PPP6R2: variants seen among roughly 807,000 people sequenced by gnomAD.
PPP6R2 encodes serine/threonine-protein phosphatase 6 regulatory subunit 2.
PPP6R2 carries 62 observed loss-of-function variants against 100.2 expected under a neutral mutation model. The ratio of observed to expected loss-of-function variants is 0.62; its 90% CI spans 0.50 to 0.76. The LOEUF is 0.76. Among genes scored for constraint, PPP6R2 ranks in the 30% least tolerant of loss-of-function variants. The pLI is 0.00. For missense variants in PPP6R2, 1,142 were observed against 1,276.3 expected (o/e 0.89, Z 1.60); for synonymous variants, 525 against 514.7 (o/e 1.02, Z -0.27).
At chr22:50,383,214 GT>G (rs2053502016) in intron 2 of PPP6R2, among the ~76,000 whole-genome samples, 2 of 152,150 alleles carry the variant, frequency 1.3e-5, no homozygotes, top group African/African-American at 4.8e-5. Flanking sequence ...TTCATTCCAT[GT>G]GTCAAAGATC....
At chr22:50,338,813 TGTGTGTGTGTA>T (rs1403144118), upstream of PPP6R2, among the ~76,000 whole-genome samples, 7 of 120,068 alleles carry the variant, frequency 5.8e-5, no homozygotes, top group African/African-American at 2.4e-4. Context: ...GTGTCTGGTG[TGTGTGTGTGTA>T]GGGTGTGTGG....
chr22:50,357,696 C>G (rs1401548589), intron 1 of PPP6R2, among the ~76,000 whole-genome samples: 1 of 150,818 alleles, frequency 6.6e-6, no homozygotes, highest in African/African-American at 2.4e-5. Flanking sequence ...GGCATGATCT[C>G]CACTGCAACC....
intron 3 of PPP6R2, among the ~76,000 whole-genome samples, chr22:50,396,837 A>G (rs2148950212): frequency 6.6e-6 from 1 of 152,304 alleles, no homozygotes; most frequent in East Asian, 1.9e-4. Flanking sequence ...TAGCCTGAGC[A>G]GGGCCTTGCT....
intron 10 of PPP6R2, among the ~76,000 whole-genome samples, chr22:50,426,194 G>T (rs1185309417): frequency 1.3e-5 from 2 of 152,124 alleles, no homozygotes; most frequent in Non-Finnish European, 2.9e-5. Flanking sequence ...TTCAAGTGAT[G>T]CTCCGGCCGT....
chr22:50,429,846 G>C (rs562773434), intron 10 of PPP6R2, among the ~76,000 whole-genome samples: 1 of 152,336 alleles, frequency 6.6e-6, no homozygotes, highest in East Asian at 1.9e-4. Context: ...CCTCCTCCAA[G>C]GTTGCTCAAG....
chr22:50,416,211 G>A (rs2060508068), intron 6 of PPP6R2, 54 bp downstream of exon 6: 5 of 1,501,542 alleles, frequency 3.3e-6, no homozygotes, highest in Admixed American at 3.4e-5. Context: ...GTGCTGCCAG[G>A]TCACCCACTG....
At chr22:50,387,868 T>C (rs1308195872) in intron 2 of PPP6R2, among the ~76,000 whole-genome samples, 2 of 152,150 alleles carry the variant, frequency 1.3e-5, no homozygotes, top group Non-Finnish European at 2.9e-5. Context: ...CTAGAGCCTT[T>C]ATGTGGAATA....
chr22:50,330,983 C>T, the PPP6R2 span, among the ~76,000 whole-genome samples: 4 of 152,100 alleles, frequency 2.6e-5, no homozygotes, highest in African/African-American at 9.7e-5. Context: ...TTTGTGAGCT[C>T]CAGGACTGTA....
the PPP6R2 span, among the ~76,000 whole-genome samples, chr22:50,334,098 A>C: frequency 1.3e-5 from 2 of 152,270 alleles, no homozygotes; most frequent in Non-Finnish European, 2.9e-5. Context: ...AGGGCGGAAC[A>C]TGAAAGTGGA....
chr22:50,437,787 C>T, intron 16 of PPP6R2, 56 bp from the exon 17 acceptor site: 1 of 1,536,608 alleles, frequency 6.5e-7, no homozygotes, highest in African/African-American at 1.4e-5. Context: ...GCACTGAGGC[C>T]CCAGATGAGC....
the PPP6R2 span, among the ~76,000 whole-genome samples, chr22:50,331,465 G>C: frequency 1.3e-5 from 2 of 152,194 alleles, no homozygotes; most frequent in South Asian, 4.1e-4. Flanking sequence ...TAGTATTATT[G>C]TTCCAGCCGT....
intron 1 of PPP6R2, 112 bp from the exon 2 acceptor site, chr22:50,371,908 A>T (rs183456089): frequency 1.3e-5 from 2 of 152,342 alleles, no homozygotes; most frequent in Admixed American, 1.3e-4. Context: ...TTCTGTGGGG[A>T]TTAAAGGTGT....
At chr22:50,412,558 T>G (rs1684881932) in intron 4 of PPP6R2, among the ~76,000 whole-genome samples, 1 of 151,822 alleles carries the variant, frequency 6.6e-6, no homozygotes, top group South Asian at 2.1e-4. Context: ...AGCCTATTAA[T>G]TATAGATTTT....
chr22:50,372,095 A>G lies in PPP6R2; in HGVS notation c.-72A>G, dbSNP rs953242084. 6.6e-6 allele frequency: 1 copy of G among 152,198 alleles called. No homozygotes were observed. Among genetic ancestry groups the G allele is most frequent in the Admixed American group, 6.5e-5 (1 of 15,270 alleles). The allele number at this position is 152,198 out of a possible 1,614,324, so 9.4% of individuals were successfully genotyped here. A position where few individuals can be genotyped will look rare whatever the true frequency, so the allele number is the denominator to read the frequency against. The stretch of plus-strand genomic sequence containing the variant: ...GCATATACTCCAAGAAAAAAACCAC[A>G]AATGTTTTTCTGTTTTGCCTGAATA... On this transcript the variant is annotated 5_prime_UTR_variant, in exon 2 of 24. Transcript: ENST00000612753.
upstream of PPP6R2, among the ~76,000 whole-genome samples, chr22:50,339,320 A>T (rs1265774304): frequency 2.8e-3 from 253 of 91,654 alleles, no homozygotes; most frequent in East Asian, 5.1e-3. Flanking sequence ...TTGTGGGTGT[A>T]GTGTGTGTGG....
At chr22:50,339,053 T>TGG (rs2042337884), upstream of PPP6R2, among the ~76,000 whole-genome samples, 2 of 123,682 alleles carry the variant, frequency 1.6e-5, no homozygotes, top group African/African-American at 6.4e-5. Flanking sequence ...ATGTAGTGTG[T>TGG]TATGTGGTGT....
At chr22:50,348,735 T>C (rs1379203433) in intron 1 of PPP6R2, among the ~76,000 whole-genome samples, 2 of 152,038 alleles carry the variant, frequency 1.3e-5, no homozygotes, top group Non-Finnish European at 2.9e-5. Flanking sequence ...ACTGTCATCA[T>C]GGGGGCAAGG....
At chr22:50,435,155 A>G (rs2148227189) in intron 13 of PPP6R2, 74 bp downstream of exon 13, 1 of 1,264,200 alleles carries the variant, frequency 7.9e-7, no homozygotes. Flanking sequence ...GCCTGAGACT[A>G]AGCTCTGCCC....
intron 17 of PPP6R2, 117 bp from the exon 18 acceptor site, chr22:50,438,052 TCCTCC>T: frequency 6.0e-6 from 9 of 1,495,308 alleles, no homozygotes; most frequent in Non-Finnish European, 7.3e-6. Flanking sequence ...CCCCTCCCCG[TCCTCC>T]CCTCCAGCCC....
Sources: allele counts gnomAD v4.1 joint callset (sites outside exome capture counted in the v4.1 genomes callset), GRCh38; gene constraint gnomAD v4.1.1; transcripts MANE v1.5; gene names NCBI Gene and HGNC (gene_info 2026-07-23, HGNC 2026-07-21).